The following MLIP variants were observed in gnomAD, a reference collection of about 807,000 sequenced individuals.
The protein encoded by MLIP is muscular LMNA interacting protein, also known as muscular LMNA-interacting protein.
Under a neutral mutation model 84.8 loss-of-function variants are expected in MLIP, and 79 were observed. That is an observed-to-expected ratio of 0.93 (90% CI 0.78 to 1.12). The LOEUF (loss-of-function observed/expected upper bound fraction) is 1.12. MLIP is among the 50% of genes most tolerant of loss of function. The pLI is 0.00. For synonymous variants in MLIP, 504 were observed against 463.0 expected (o/e 1.09, Z -1.14); for missense variants, 1,257 against 1,160.6 (o/e 1.08, Z -1.21).
intron 1 of MLIP, among the ~76,000 whole-genome samples, chr6:54,056,372 A>G (rs1765661120): frequency 6.6e-6 from 1 of 152,210 alleles, no homozygotes; most frequent in Admixed American, 6.5e-5. Context: ...GGAGCAATTC[A>G]TAAAGGCTTT....
intron 1 of MLIP, among the ~76,000 whole-genome samples, chr6:54,095,768 A>G (rs1173336601): frequency 2.0e-5 from 3 of 152,202 alleles, no homozygotes; most frequent in Non-Finnish European, 4.4e-5. Flanking sequence ...GCTTAGTCAG[A>G]GTTTGCAGAG....
At chr6:54,231,643 C>G (rs1280930024) in intron 12 of MLIP, among the ~76,000 whole-genome samples, 1 of 152,164 alleles carries the variant, frequency 6.6e-6, no homozygotes, top group African/African-American at 2.4e-5. Context: ...CTGGCTAGTA[C>G]AGATGCTCAG....
chr6:54,194,457 T>A (rs1414813305), intron 10 of MLIP, among the ~76,000 whole-genome samples: 4 of 152,164 alleles, frequency 2.6e-5, no homozygotes, highest in African/African-American at 9.7e-5. Context: ...ATTGTGTATA[T>A]TTCATGAAAT....
intron 9 of MLIP, among the ~76,000 whole-genome samples, chr6:54,170,969 C>T (rs1319136185): frequency 6.6e-6 from 1 of 151,366 alleles, no homozygotes; most frequent in Non-Finnish European, 1.5e-5. Flanking sequence ...TTTACAAGAG[C>T]CAGACCCCCC....
Position 54,124,503 on chromosome 6 carries a change from G to A in MLIP, c.283G>A (p.Ala95Thr), listed in dbSNP as rs777475887. 8 of 1,613,996 alleles carry A rather than the reference G, an allele frequency of 5.0e-6. No individual in the cohort carries two copies. Among genetic ancestry groups the A allele is most frequent in the Non-Finnish European group, 5.9e-6 (7 of 1,179,956 alleles). The change falls in exon 3 of 14, where the codon GCT becomes ACT. Residue 95 changes from alanine (A) to threonine (T), a missense_variant. Physicochemically the swap from Ala to Thr is moderately conservative, Grantham distance 58. Coordinates refer to ENST00000502396, the MANE Select transcript of MLIP (RefSeq NM_001281747.2). ...SKSNDYLTLN[A>T]GSQQERDQAK... Reference sequence around the variant, plus strand: ...ATCCAATGACTACTTGACCTTGAATGCTGGGAGCCAACAAGAGAGAGACCA... The same window carrying A: ...ATCCAATGACTACTTGACCTTGAATACTGGGAGCCAACAAGAGAGAGACCA...
chr6:54,158,905 C>A (rs1774328775), intron 5 of MLIP, among the ~76,000 whole-genome samples: 1 of 151,842 alleles, frequency 6.6e-6, no homozygotes, highest in African/African-American at 2.4e-5. Context: ...AAATGACAAC[C>A]CCGCTTTTTA....
intron 1 of MLIP, among the ~76,000 whole-genome samples, chr6:54,115,209 C>A (rs1769806853): frequency 6.6e-6 from 1 of 152,066 alleles, no homozygotes; most frequent in Non-Finnish European, 1.5e-5. Context: ...GGCATGTTTA[C>A]CTTCCTGGTT....
chr6:54,263,304 GC>G (rs1783499949), intron 13 of MLIP, among the ~76,000 whole-genome samples: 1 of 151,994 alleles, frequency 6.6e-6, no homozygotes, highest in Non-Finnish European at 1.5e-5. Context: ...CTATGAGGCT[GC>G]CTTTATAGGA....
chr6:54,251,705 T>C (rs1169491676), intron 12 of MLIP, among the ~76,000 whole-genome samples: 8 of 88,564 alleles, frequency 9.0e-5, no homozygotes, highest in African/African-American at 5.2e-4. Context: ...TTATAACATA[T>C]GATACATATA....
In MLIP at chr6:54,136,933, T is replaced by G; in HGVS notation, c.864T>G (p.Ser288=). ...FQTTAHSTPF[S]ASKGTSSTLL... ...CTACCGCTCACTCTACACCCTTTTC[T>G]GCATCGAAGGGCACCTCCTCGACGT... Residue 288 remains serine, a synonymous_variant, in exon 4 of 14, where the codon TCT becomes TCG. Coordinates refer to ENST00000502396, the MANE Select transcript of MLIP (RefSeq NM_001281747.2). 1 of 1,536,056 alleles carries G rather than the reference T, an allele frequency of 6.5e-7. No individual in the cohort carries two copies. The highest frequency in any genetic ancestry group is 2.4e-5 in the East Asian group (1 of 40,908).
chr6:54,075,925 G>A (rs1330218075), intron 1 of MLIP, among the ~76,000 whole-genome samples: 1 of 152,184 alleles, frequency 6.6e-6, no homozygotes, highest in Non-Finnish European at 1.5e-5. Flanking sequence ...ACACTTAATA[G>A]AGGGCATTGA....
intron 1 of MLIP, chr6:54,063,464 T>A (rs956329193): frequency 4.6e-5 from 7 of 152,320 alleles, no homozygotes; most frequent in Admixed American, 1.3e-4. Flanking sequence ...TTGGATGTGA[T>A]AAAGGTATTA....
intron 1 of MLIP, among the ~76,000 whole-genome samples, chr6:54,099,886 GTAAAGGCA>G (rs1768515436): frequency 6.6e-6 from 1 of 152,036 alleles, no homozygotes; most frequent in African/African-American, 2.4e-5. Flanking sequence ...GGGTATAAAT[GTAAAGGCA>G]AGAAAAAATG....
At chr6:54,112,489 A>G (rs954224056) in intron 1 of MLIP, among the ~76,000 whole-genome samples, 1 of 152,200 alleles carries the variant, frequency 6.6e-6, no homozygotes, top group African/African-American at 2.4e-5. Context: ...AAAAGCGAAT[A>G]CCAAATGATT....
At chr6:54,154,909 G>T (rs1427274505) in intron 5 of MLIP, among the ~76,000 whole-genome samples, 1 of 152,012 alleles carries the variant, frequency 6.6e-6, no homozygotes, top group Non-Finnish European at 1.5e-5. Flanking sequence ...TGGAAATAAA[G>T]AACACCCTTC....
At chr6:54,234,060 T>C (rs989851866) in intron 12 of MLIP, among the ~76,000 whole-genome samples, 3 of 152,206 alleles carry the variant, frequency 2.0e-5, no homozygotes, top group African/African-American at 7.2e-5. Flanking sequence ...TTTTTTCTTG[T>C]AGATTTATTT....
chr6:54,217,384 A>C, intron 11 of MLIP: 1 of 985,442 alleles, frequency 1.0e-6, no homozygotes, highest in Non-Finnish European at 1.2e-6. Context: ...TTTTGAAGTT[A>C]AACAGTATGA....
At chr6:54,244,383 T>C (rs1465367689) in intron 12 of MLIP, among the ~76,000 whole-genome samples, 1 of 152,156 alleles carries the variant, frequency 6.6e-6, no homozygotes, top group African/African-American at 2.4e-5. Flanking sequence ...GTTTTAAGAT[T>C]TTTCAGGAAG....
At chr6:54,241,100 C>T (rs1781706871) in intron 12 of MLIP, among the ~76,000 whole-genome samples, 1 of 151,570 alleles carries the variant, frequency 6.6e-6, no homozygotes, top group African/African-American at 2.4e-5. Flanking sequence ...CTATGCTTCC[C>T]CTGTAATAAC....
Sources: allele counts gnomAD v4.1 joint callset (sites outside exome capture counted in the v4.1 genomes callset), GRCh38; gene constraint gnomAD v4.1.1; transcripts MANE v1.5; gene names NCBI Gene and HGNC (gene_info 2026-07-23, HGNC 2026-07-21).